The following GNAL variants were observed in gnomAD, a reference collection of about 807,000 sequenced individuals.
The protein encoded by GNAL is guanine nucleotide-binding protein G(olf) subunit alpha.
GNAL carries 18 observed loss-of-function variants against 55.1 expected under a neutral mutation model. That is an observed-to-expected ratio of 0.33 (90% confidence interval 0.23 to 0.48). GNAL has a LOEUF of 0.48. GNAL is among the 20% of genes least tolerant of loss of function. GNAL has a pLI of 0.99. For synonymous variants in GNAL, 253 were observed against 237.0 expected (o/e 1.07, Z -0.62); for missense variants, 412 against 614.1 (o/e 0.67, Z 3.48).
At chr18:11,847,960 C>T (rs1004953227) in intron 5 of GNAL, among the ~76,000 whole-genome samples, 5 of 152,112 alleles carry the variant, frequency 3.3e-5, no homozygotes, top group African/African-American at 7.2e-5. Flanking sequence ...TCAGATACCA[C>T]GGTGGTCAGA....
chr18:11,858,871 T>C (rs944868364), intron 5 of GNAL, among the ~76,000 whole-genome samples: 2 of 152,098 alleles, frequency 1.3e-5, no homozygotes, highest in African/African-American at 2.4e-5. Flanking sequence ...ATTTTGGAGG[T>C]TGGCGACAGG....
intron 1 of GNAL, among the ~76,000 whole-genome samples, chr18:11,715,061 C>T (rs1354919956): frequency 1.3e-5 from 2 of 152,024 alleles, no homozygotes; most frequent in Non-Finnish European, 2.9e-5. Context: ...GGGAGGATTG[C>T]TTGAGCCCAG....
chr18:11,726,535 C>T (rs148970429), intron 1 of GNAL, among the ~76,000 whole-genome samples: 4 of 152,344 alleles, frequency 2.6e-5, no homozygotes, highest in Admixed American at 2.0e-4. Context: ...CTGCCCCTCT[C>T]TGGGGCACCT....
chr18:11,809,392 C>T (rs2143558217), intron 4 of GNAL, among the ~76,000 whole-genome samples: 2 of 152,152 alleles, frequency 1.3e-5, no homozygotes, highest in East Asian at 3.9e-4. Context: ...CACAACTCTA[C>T]AAATATTCTA....
In GNAL at chr18:11,876,743, C is replaced by T. The variant is rs2036541174; in HGVS notation, c.1230+55C>T. 6 of 954,666 alleles carry T rather than the reference C, an allele frequency of 6.3e-6. No homozygotes were observed. In the South Asian group the frequency reaches 7.7e-5, roughly 12 times the overall value. 59.1% of individuals were successfully genotyped at this position (954,666 alleles called of 1,614,324 possible). ...TACCTCCCTTCTTAATCTTTTGTTT[C>T]TTACAATATGCAAATTACTCCTTGA... is the stretch of plus-strand genomic sequence containing the variant. On this transcript the variant is annotated intron_variant, in intron 11 of 11. Coordinates refer to ENST00000334049, the MANE Select transcript of GNAL (RefSeq NM_182978.4).
chr18:11,698,750 G>C (rs893240810), intron 1 of GNAL, among the ~76,000 whole-genome samples: 1 of 152,096 alleles, frequency 6.6e-6, no homozygotes, highest in African/African-American at 2.4e-5. Flanking sequence ...AAGAGAAGAG[G>C]GCAGGAGAGG....
chr18:11,771,216 A>G (rs944703657), intron 4 of GNAL, among the ~76,000 whole-genome samples: 1 of 108,096 alleles, frequency 9.3e-6, no homozygotes, highest in Non-Finnish European at 1.7e-5. Context: ...GAAACTCTGT[A>G]AAAAAAAAAA....
chr18:11,820,761 T>C (rs1470585290), intron 4 of GNAL, among the ~76,000 whole-genome samples: 1 of 152,260 alleles, frequency 6.6e-6, no homozygotes, highest in Non-Finnish European at 1.5e-5. Context: ...TGTGGAATCA[T>C]GGGGACTTAG....
chr18:11,766,062 TAGA>T (rs2033396888), intron 4 of GNAL, among the ~76,000 whole-genome samples: 1 of 152,210 alleles, frequency 6.6e-6, no homozygotes, highest in South Asian at 2.1e-4. Flanking sequence ...CAGGAATCAG[TAGA>T]AGGAGCAGAG....
At chr18:11,698,802 C>G (rs953817569) in intron 1 of GNAL, among the ~76,000 whole-genome samples, 1 of 152,134 alleles carries the variant, frequency 6.6e-6, no homozygotes, top group African/African-American at 2.4e-5. Context: ...CATCCGCTTT[C>G]TAAACATTCA....
chr18:11,761,195 G>T (rs1025595654), intron 4 of GNAL, among the ~76,000 whole-genome samples: 3 of 152,036 alleles, frequency 2.0e-5, no homozygotes, highest in Non-Finnish European at 4.4e-5. Flanking sequence ...AGCTGTCACC[G>T]CCTGCACCTC....
chr18:11,881,323 A>G lies in GNAL; in HGVS notation c.*188A>G. On this transcript the variant is annotated 3_prime_UTR_variant, in exon 12 of 12. Transcript: ENST00000334049. The surrounding 1 kb of genome is among the most constrained non-coding windows in gnomAD (Gnocchi z 4.8). ...TGTGTAGCTTCTGTTGTCATTGAATACGGCCTCCCGCAGCATCCCACCCCC... is the reference window on the plus strand; with the variant it reads ...TGTGTAGCTTCTGTTGTCATTGAATGCGGCCTCCCGCAGCATCCCACCCCC... 1 of 512,700 alleles carries G rather than the reference A, an allele frequency of 2.0e-6. No individual in the cohort carries two copies. The allele number at this position is 512,700 out of a possible 1,614,324, so 31.8% of individuals were successfully genotyped here. A position where few individuals can be genotyped will look rare whatever the true frequency, so the allele number is the denominator to read the frequency against.
chr18:11,690,908 T>C (rs1388438634), intron 1 of GNAL, among the ~76,000 whole-genome samples: 1 of 150,834 alleles, frequency 6.6e-6, no homozygotes. Flanking sequence ...TGAATAGTGC[T>C]GCAATAAACG....
chr18:11,883,613 T>C lies in GNAL; in HGVS notation c.*2478T>C, dbSNP rs919788392. 2.0e-5 allele frequency: 3 copies of C among 153,550 alleles called. No homozygotes were observed. The highest frequency in any genetic ancestry group is 1.3e-4 in the Admixed American group (2 of 15,288). The allele number at this position is 153,550 out of a possible 1,614,324, so 9.5% of individuals were successfully genotyped here. On this transcript the variant is annotated 3_prime_UTR_variant, in exon 12 of 12. Coordinates refer to ENST00000334049, the MANE Select transcript of GNAL (RefSeq NM_182978.4). The stretch of plus-strand genomic sequence containing the variant: ...TCTCCTATAGAGAAAATTACACTTA[T>C]CTAAAAATCTGATTCCATTAATTGA...
At chr18:11,696,769 C>T (rs1170901239) in intron 1 of GNAL, among the ~76,000 whole-genome samples, 4 of 152,144 alleles carry the variant, frequency 2.6e-5, no homozygotes, top group East Asian at 1.9e-4. Flanking sequence ...TCAACCCTCT[C>T]GTGTTTATTC....
intron 4 of GNAL, among the ~76,000 whole-genome samples, chr18:11,809,327 A>G (rs1456273913): frequency 6.6e-6 from 1 of 152,128 alleles, no homozygotes; most frequent in African/African-American, 2.4e-5. Flanking sequence ...TGGGTCATGC[A>G]GAATTGCTTT....
chr18:11,709,287 T>C (rs1275142084), intron 1 of GNAL, among the ~76,000 whole-genome samples: 1 of 151,572 alleles, frequency 6.6e-6, no homozygotes, highest in Non-Finnish European at 1.5e-5. Flanking sequence ...TTGGGGTCCT[T>C]TGTGGTTCCT....
chr18:11,745,337 G>T (rs909227691), intron 1 of GNAL, among the ~76,000 whole-genome samples: 7 of 151,748 alleles, frequency 4.6e-5, no homozygotes, highest in African/African-American at 1.5e-4. Context: ...CTGCTATTGG[G>T]GACTTAAGCT....
At chr18:11,741,650 T>G (rs910468350) in intron 1 of GNAL, among the ~76,000 whole-genome samples, 25 of 152,212 alleles carry the variant, frequency 1.6e-4, no homozygotes, top group African/African-American at 4.6e-4. Flanking sequence ...GATGAATGAA[T>G]GAATGAATGA....
Sources: gnomAD v4.1 joint callset for allele counts (sites outside exome capture counted in the v4.1 genomes callset) on GRCh38, gnomAD v4.1.1 for gene constraint, Gnocchi (gnomAD v3.1) non-coding constraint, MANE v1.5 for transcripts, NCBI Gene and HGNC (gene_info 2026-07-23, HGNC 2026-07-21) for gene names.